DOCK3: variants seen among roughly 807,000 people sequenced by gnomAD.
DOCK3 encodes the protein dedicator of cytokinesis protein 3.
DOCK3 carries 60 observed loss-of-function variants against 265.6 expected under a neutral mutation model. That is an observed-to-expected ratio of 0.23 (90% CI 0.18 to 0.28). DOCK3 has a LOEUF of 0.28. Among genes scored for constraint, DOCK3 ranks in the 10% least tolerant of loss-of-function variants. The probability of loss-of-function intolerance (pLI) is 1.00; values close to 1 mark genes in which losing one functional copy is unlikely to be tolerated. For synonymous variants in DOCK3, 881 were observed against 938.0 expected, an observed-to-expected ratio of 0.94 and a Z score of 1.11; for missense variants, 1,981 against 2,594.3, an observed-to-expected ratio of 0.76 and a Z score of 5.14.
intron 3 of DOCK3, among the ~76,000 whole-genome samples, chr3:50,884,763 T>G (rs2048241802): frequency 1.3e-5 from 2 of 152,140 alleles, no homozygotes; most frequent in African/African-American, 4.8e-5. Flanking sequence ...TTAAAGAGTT[T>G]TAGGTTTCCA....
At chr3:51,151,144 T>G (rs557018326) in intron 10 of DOCK3, among the ~76,000 whole-genome samples, 2 of 152,258 alleles carry the variant, frequency 1.3e-5, no homozygotes, top group South Asian at 2.1e-4. Flanking sequence ...TGCTTTTTTT[T>G]TTTGCTTTCC....
At chr3:51,196,718 G>A (rs1576376902) in intron 12 of DOCK3, among the ~76,000 whole-genome samples, 1 of 152,070 alleles carries the variant, frequency 6.6e-6, no homozygotes, top group Admixed American at 6.5e-5. Flanking sequence ...TTCTTCAATT[G>A]CAGAATTTCT....
chr3:50,821,140 C>CTTTTTTTTTTTTTTTTT (rs771111717), intron 2 of DOCK3, among the ~76,000 whole-genome samples: 2 of 119,470 alleles, frequency 1.7e-5, no homozygotes, highest in African/African-American at 3.2e-5. Flanking sequence ...TTTCTTTTTT[C>CTTTTTTTTTTTTTTTTT]TTTTTTTTTT....
Position 50,888,467 on chromosome 3 carries a change from ATCAAGC to A in DOCK3, c.163-1557_163-1552del, listed in dbSNP as rs545201604. Among the ~76,000 whole-genome samples, 523 of 152,320 alleles carry A rather than the reference ATCAAGC, an allele frequency of 3.4e-3. 3 individuals are homozygous for A. Among genetic ancestry groups the A allele is most frequent in the African/African-American group, 0.012 (504 of 41,570 alleles). Reference sequence around the variant, plus strand: ...AATTTATAGATTCAATGCCATCCTCATCAAGCTACCAATGACTTTCTTCACAGAATT... The same window carrying A: ...AATTTATAGATTCAATGCCATCCTCATACCAATGACTTTCTTCACAGAATT... On this transcript the variant is annotated intron_variant, in intron 3 of 52. Coordinates refer to ENST00000266037, the MANE Select transcript of DOCK3 (RefSeq NM_004947.5).
intron 4 of DOCK3, among the ~76,000 whole-genome samples, chr3:50,900,200 G>A (rs946187267): frequency 5.3e-5 from 8 of 151,228 alleles, no homozygotes; most frequent in African/African-American, 1.9e-4. Context: ...CTCTTATCTT[G>A]TCTTCTCGCT....
chr3:50,869,342 A>ATTTTTTTTTTTTTTTTTTTT lies in DOCK3; in HGVS notation c.163-20655_163-20636dup, dbSNP rs755531254. Among the ~76,000 whole-genome samples, 384 of 70,106 alleles carry ATTTTTTTTTTTTTTTTTTTT rather than the reference A, an allele frequency of 5.5e-3. 189 individuals carry two copies. The highest frequency in any genetic ancestry group is 6.7e-3 in the Non-Finnish European group (262 of 39,204). 46.0% of individuals were successfully genotyped at this position (70,106 alleles called of 152,430 possible). A position where few individuals can be genotyped will look rare whatever the true frequency, so the allele number is the denominator to read the frequency against. On this transcript the variant is annotated intron_variant, in intron 3 of 52. Transcript: ENST00000266037. ...TCAATTTTATTTATTTCTGCTGGGA[A>ATTTTTTTTTTTTTTTTTTTT]TTTTTTTTTTTTTTTTTTTTTTTTT... is the stretch of plus-strand genomic sequence containing the variant.
intron 12 of DOCK3, among the ~76,000 whole-genome samples, chr3:51,184,903 A>T (rs1390330233): frequency 6.6e-6 from 1 of 152,218 alleles, no homozygotes; most frequent in East Asian, 1.9e-4. Context: ...TTGATATGAT[A>T]TGATGAGACT....
At chr3:50,918,488 A>G (rs532756056) in intron 4 of DOCK3, among the ~76,000 whole-genome samples, 2 of 151,988 alleles carry the variant, frequency 1.3e-5, no homozygotes, top group African/African-American at 2.4e-5. Flanking sequence ...TGTGGTTTTG[A>G]TTTGCATTTC....
At chr3:50,744,798 A>G (rs2039317191) in intron 1 of DOCK3, among the ~76,000 whole-genome samples, 1 of 152,154 alleles carries the variant, frequency 6.6e-6, no homozygotes, top group African/African-American at 2.4e-5. Context: ...GCATGTGGAT[A>G]TCTAGTTTTT....
intron 9 of DOCK3, among the ~76,000 whole-genome samples, chr3:51,114,843 C>T (rs1187131897): frequency 1.3e-5 from 2 of 151,892 alleles, no homozygotes; most frequent in African/African-American, 2.4e-5. Flanking sequence ...GTGATGTTCC[C>T]CTCCCTGTGC....
chr3:51,234,179 C>G (rs2078256541), intron 19 of DOCK3, among the ~76,000 whole-genome samples: 1 of 152,208 alleles, frequency 6.6e-6, no homozygotes, highest in Non-Finnish European at 1.5e-5. Flanking sequence ...TTGGTAATAG[C>G]TCTCCCAACT....
chr3:51,333,299 C>T (rs753820429), intron 35 of DOCK3, 46 bp downstream of exon 35: 1 of 1,574,680 alleles, frequency 6.4e-7, no homozygotes, highest in Non-Finnish European at 8.7e-7. Flanking sequence ...TCAGGATACT[C>T]TCTCTGGCAA....
chr3:51,297,794 A>ATT lies in DOCK3; in HGVS notation c.2923-12430_2923-12429dup, dbSNP rs58008589. On this transcript the variant is annotated intron_variant, in intron 27 of 52. Coordinates refer to ENST00000266037, the MANE Select transcript of DOCK3 (RefSeq NM_004947.5). ...TACAAAAATAATAATAATAATAATAATTTTTTTTTAATTAGTTGAGTGTAG... is the reference window on the plus strand; with the variant it reads ...TACAAAAATAATAATAATAATAATAATTTTTTTTTTTAATTAGTTGAGTGTAG... Among the ~76,000 whole-genome samples the ATT allele has an allele frequency of 4.4e-4, 66 of 148,902 alleles. 1 individual carries two copies. The South Asian group carries it at 0.01, about 23-fold the overall frequency.
chr3:50,932,506 G>T (rs943889953), intron 4 of DOCK3, among the ~76,000 whole-genome samples: 1 of 151,908 alleles, frequency 6.6e-6, no homozygotes, highest in African/African-American at 2.4e-5. Flanking sequence ...CTCAACATTG[G>T]TGTGGACATT....
At chr3:51,283,135 A>C (rs781041889) in intron 27 of DOCK3, among the ~76,000 whole-genome samples, 6 of 152,170 alleles carry the variant, frequency 3.9e-5, no homozygotes, top group Non-Finnish European at 7.4e-5. Context: ...TTCATGAATC[A>C]CTTCCCTCTG....
At chr3:51,332,522 A>G (rs2084590153) in intron 33 of DOCK3, among the ~76,000 whole-genome samples, 1 of 152,104 alleles carries the variant, frequency 6.6e-6, no homozygotes. Flanking sequence ...GACTAGTGGA[A>G]TCTTTCCCTT....
At chr3:51,200,864 A>G (rs548685690) in intron 12 of DOCK3, among the ~76,000 whole-genome samples, 2 of 152,330 alleles carry the variant, frequency 1.3e-5, no homozygotes, top group East Asian at 1.9e-4. Context: ...AGTGGGGGCC[A>G]ATATTCAACA....
At chr3:51,237,414 G>A (rs771347900) in intron 20 of DOCK3, 76 bp from the exon 21 acceptor site, 70 of 1,247,904 alleles carry the variant, frequency 5.6e-5, no homozygotes, top group Non-Finnish European at 7.8e-5. Flanking sequence ...TTTGGAGAAG[G>A]AAGACTCTGT....
At chr3:50,877,911 T>A (rs1223954918) in intron 3 of DOCK3, among the ~76,000 whole-genome samples, 1 of 152,000 alleles carries the variant, frequency 6.6e-6, no homozygotes, top group Non-Finnish European at 1.5e-5. Context: ...CAGGTGCCCC[T>A]CTGAGACGAA....
Sources: allele counts gnomAD v4.1 joint callset (sites outside exome capture counted in the v4.1 genomes callset), GRCh38; gene constraint gnomAD v4.1.1; transcripts MANE v1.5; gene names NCBI Gene and HGNC (gene_info 2026-07-23, HGNC 2026-07-21).